Variants in PBRM1 observed in about 807,000 individuals in gnomAD.
PBRM1 encodes protein polybromo-1.
Under a neutral mutation model 194.5 loss-of-function variants are expected in PBRM1, and 27 were observed. The observed-to-expected ratio is 0.14, with a 90% CI of 0.10 to 0.19. PBRM1 has a LOEUF of 0.19. PBRM1 is among the 10% of genes least tolerant of loss of function. The pLI, the probability that PBRM1 is intolerant of heterozygous loss-of-function variation, is 1.00. For missense variants in PBRM1, 1,466 were observed against 2,077.2 expected, an observed-to-expected ratio of 0.71 and a Z score of 5.72; for synonymous variants, 655 against 693.2, an observed-to-expected ratio of 0.94 and a Z score of 0.87.
At chr3:52,593,259 C>CTT (rs879470797) in intron 17 of PBRM1, among the ~76,000 whole-genome samples, 1 of 146,872 alleles carries the variant, frequency 6.8e-6, no homozygotes, top group Non-Finnish European at 1.5e-5. Flanking sequence ...TGAGATCTTT[C>CTT]TTTTTTTTTT....
chr3:52,651,983 T>A (rs1030042349), intron 5 of PBRM1, among the ~76,000 whole-genome samples, 173 bp from the exon 7 acceptor site: 2 of 152,204 alleles, frequency 1.3e-5, no homozygotes, highest in African/African-American at 4.8e-5. Context: ...CATAAAGAAT[T>A]TAATCTTAAG....
intron 17 of PBRM1, among the ~76,000 whole-genome samples, chr3:52,595,882 G>A (rs1324159725): frequency 2.6e-5 from 4 of 152,124 alleles, no homozygotes; most frequent in South Asian, 2.1e-4. Context: ...TCCCAGCACC[G>A]TTTATTGAAG....
intron 13 of PBRM1, among the ~76,000 whole-genome samples, chr3:52,620,453 G>A (rs1234609393): frequency 2.0e-5 from 3 of 152,144 alleles, no homozygotes; most frequent in Non-Finnish European, 4.4e-5. Context: ...CCCTGACCTG[G>A]ACCAGGAGGT....
At chr3:52,611,772 C>T (rs1303097984) in intron 15 of PBRM1, among the ~76,000 whole-genome samples, 1 of 152,068 alleles carries the variant, frequency 6.6e-6, no homozygotes, top group Non-Finnish European at 1.5e-5. Context: ...CCACTACACT[C>T]CAGCCTGGGT....
intron 15 of PBRM1, among the ~76,000 whole-genome samples, chr3:52,611,778 T>G (rs982664514): frequency 2.6e-5 from 4 of 152,110 alleles, no homozygotes; most frequent in African/African-American, 9.7e-5. Context: ...CACTCCAGCC[T>G]GGGTGACAGA....
chr3:52,632,347 G>A (rs1467637012), intron 11 of PBRM1, among the ~76,000 whole-genome samples: 2 of 152,134 alleles, frequency 1.3e-5, no homozygotes, highest in Admixed American at 6.5e-5. Context: ...ATTTTGGGAG[G>A]CTGAGGTGAG....
At chr3:52,575,169 C>A (rs2089045904) in intron 22 of PBRM1, among the ~76,000 whole-genome samples, 1 of 152,128 alleles carries the variant, frequency 6.6e-6, no homozygotes. Flanking sequence ...TCCCAAAGTG[C>A]TGGGATTAAA....
rs1184034549 is a variant in PBRM1, at chr3:52,554,828, T to C, written c.4505A>G (p.Asp1502Gly). 2.5e-6 allele frequency: 4 copies of C among 1,599,458 alleles called. No individual in the cohort carries two copies. In the Admixed American group the frequency reaches 7.1e-5, roughly 28 times the overall value. ...CATGCTGCCCATGCTAACAAGGCCA[T>C]CAACTGGGCCCTGCAAAGGTGGAAG... The change falls in exon 27 of 30, where the codon GAT becomes GGT. Residue 1502 changes from aspartate to glycine, a missense_variant. Around this residue, in one of 5 missense-constraint regions of PBRM1, gnomAD observed 244 missense variants for 324.6 expected, o/e 0.75. Coordinates refer to ENST00000296302, the Ensembl canonical transcript of PBRM1.
chr3:52,586,312 C>G, intron 20 of PBRM1, 113 bp downstream of exon 22: 1 of 863,494 alleles, frequency 1.2e-6, no homozygotes, highest in Non-Finnish European at 1.8e-6. Context: ...TCCTGTTTGG[C>G]TAAGGTTTTG....
intron 26 of PBRM1, among the ~76,000 whole-genome samples, 159 bp downstream of exon 28, chr3:52,558,090 G>C (rs1242348986): frequency 6.6e-6 from 1 of 152,160 alleles, no homozygotes; most frequent in Non-Finnish European, 1.5e-5. Flanking sequence ...GGGAGGCATT[G>C]CCCATATGGG....
intron 29 of PBRM1, among the ~76,000 whole-genome samples, chr3:52,550,218 A>AAAAAC (rs144534586): frequency 2.1e-4 from 32 of 151,996 alleles, no homozygotes; most frequent in Admixed American, 7.2e-4. Flanking sequence ...ACCCTGTCTC[A>AAAAAC]AAAACAAAAC....
In PBRM1 at chr3:52,554,950, C is replaced by T. The variant is rs554101904; in HGVS notation, c.4454-71G>A. On this transcript the variant is annotated intron_variant, in intron 26 of 29. Coordinates refer to ENST00000296302, the Ensembl canonical transcript of PBRM1. ...CATGAGCTAAGTAATAACAACCAACCCCCACATGCACTACCAATGAATAAA... is the reference window on the plus strand; with the variant it reads ...CATGAGCTAAGTAATAACAACCAACTCCCACATGCACTACCAATGAATAAA... 3.6e-5 allele frequency: 45 copies of T among 1,255,482 alleles called. 1 individual carries two copies. In the South Asian group the frequency reaches 5.4e-4, roughly 15 times the overall value. The allele number at this position is 1,255,482 out of a possible 1,614,324, so 77.8% of individuals were successfully genotyped here. A position where few individuals can be genotyped will look rare whatever the true frequency, so the allele number is the denominator to read the frequency against.
intron 2 of PBRM1, among the ~76,000 whole-genome samples, chr3:52,669,532 T>C (rs1222473354): frequency 1.3e-5 from 2 of 152,166 alleles, no homozygotes; most frequent in African/African-American, 4.8e-5. Flanking sequence ...GATGTGACTA[T>C]TTTCTCAATT....
intron 17 of PBRM1, among the ~76,000 whole-genome samples, chr3:52,602,305 CCT>C (rs1171003912): frequency 6.6e-6 from 1 of 152,148 alleles, no homozygotes; most frequent in South Asian, 2.1e-4. Flanking sequence ...AGGGGTTGCT[CCT>C]CTCTTTCTAT....
chr3:52,678,004 G>A (rs1644909548), intron 2 of PBRM1, among the ~76,000 whole-genome samples: 1 of 151,920 alleles, frequency 6.6e-6, no homozygotes. Context: ...TAGTAGCTGG[G>A]TCTATAGGTG....
rs189272092 is a variant in PBRM1 at position 52,614,265 on chromosome 3, T to C, written c.1924+1086A>G. ...TGGCGTACATCTGTAGTCCCATCTATGTGGGAGGCTGAGTGGAAGGATCAC... is the reference window on the plus strand; with the variant it reads ...TGGCGTACATCTGTAGTCCCATCTACGTGGGAGGCTGAGTGGAAGGATCAC... On this transcript the variant is annotated intron_variant, in intron 15 of 29. Coordinates refer to ENST00000296302, the Ensembl canonical transcript of PBRM1. Among the ~76,000 whole-genome samples the C allele has an allele frequency of 4.1e-3, 618 of 149,082 alleles. 3 individuals are homozygous for C. The highest frequency in any genetic ancestry group is 0.023 in the South Asian group (109 of 4,738).
intron 10 of PBRM1, among the ~76,000 whole-genome samples, chr3:52,641,001 C>G (rs2096058952): frequency 6.6e-6 from 1 of 151,998 alleles, no homozygotes; most frequent in African/African-American, 2.4e-5. Context: ...TTTTCAATTT[C>G]TGATAAGACC....
At chr3:52,616,924 T>C (rs867531776) in intron 14 of PBRM1, among the ~76,000 whole-genome samples, 1 of 152,194 alleles carries the variant, frequency 6.6e-6, no homozygotes. Flanking sequence ...ATGCTCAGTA[T>C]ACATTATCTC....
rs538319943 is a variant in PBRM1, at chr3:52,609,519, C to T, written c.2361G>A (p.Val787=). 6.2e-7 allele frequency: 1 copy of T among 1,613,814 alleles called. No individual in the cohort carries two copies. Among genetic ancestry groups the T allele is most frequent in the Non-Finnish European group, 8.5e-7 (1 of 1,179,888 alleles). Reference sequence around the variant, plus strand: ...CATCATCCTGATGACTCATGACTGACACAAAAAGATTGTGGATAAGCTCTT... The same window carrying T: ...CATCATCCTGATGACTCATGACTGATACAAAAAGATTGTGGATAAGCTCTT... Residue 787 remains valine (V), a synonymous_variant, in exon 16 of 30, where the codon GTG becomes GTA. Transcript: ENST00000296302. The surrounding 1 kb of genome is among the most constrained non-coding windows in gnomAD (Gnocchi z 4.1).
Sources: gnomAD v4.1 joint callset for allele counts (sites outside exome capture counted in the v4.1 genomes callset) on GRCh38, gnomAD v4.1.1 for gene constraint, gnomAD v4.1.1 regional missense constraint, Gnocchi (gnomAD v3.1) non-coding constraint, MANE v1.5 for transcripts, NCBI Gene and HGNC (gene_info 2026-07-23, HGNC 2026-07-21) for gene names.